HSP90AB1: variants seen among roughly 807,000 people sequenced by gnomAD.
HSP90AB1 encodes the protein heat shock protein HSP 90-beta.
HSP90AB1 carries 17 observed loss-of-function variants against 67.8 expected under a neutral mutation model. The observed-to-expected ratio is 0.25, with a 90% CI of 0.17 to 0.38. The LOEUF is 0.38. Ranked by LOEUF, HSP90AB1 falls within the 10% of genes least tolerant of loss-of-function variation. The probability of loss-of-function intolerance (pLI) is 1.00; values close to 1 mark genes in which losing one functional copy is unlikely to be tolerated. For missense variants in HSP90AB1, 690 were observed against 899.9 expected (o/e 0.77, Z 2.98); for synonymous variants, 390 against 312.9 (o/e 1.25, Z -2.60).
At chr6:44,251,333 G>A (rs1780617819) in intron 7 of HSP90AB1, 85 bp from the exon 8 acceptor site, 2 of 1,513,830 alleles carry the variant, frequency 1.3e-6, no homozygotes, top group Non-Finnish European at 9.1e-7. Context: ...GGTTCAGGAG[G>A]CTATTAGAGC....
intron 2 of HSP90AB1, 29 bp downstream of exon 2, chr6:44,248,805 TG>T (rs755379517): frequency 1.7e-5 from 26 of 1,524,570 alleles, no homozygotes; most frequent in East Asian, 2.3e-5. Flanking sequence ...ACATTTGGCA[TG>T]GTTTTTTTTT....
intron 2 of HSP90AB1, 69 bp downstream of exon 2, chr6:44,248,845 T>TAAA: frequency 6.9e-7 from 1 of 1,450,168 alleles, no homozygotes; most frequent in Non-Finnish European, 9.5e-7. Context: ...GGGAAAGGAG[T>TAAA]GGTTTGGCCT....
rs1412369959 is a variant in HSP90AB1, at chr6:44,247,168, T to C, written c.-28T>C. On this transcript the variant is annotated 5_prime_UTR_variant, in exon 1 of 12. Coordinates refer to ENST00000371646, the MANE Select transcript of HSP90AB1 (RefSeq NM_007355.4). The stretch of plus-strand genomic sequence containing the variant: ...CGGAAAGCAAGCCTACGTTGCTCAC[T>C]ATTACGTATAATCCTTTTCTTTTCA... 6.6e-6 allele frequency: 1 copy of C among 152,250 alleles called. No individual in the cohort carries two copies. Among genetic ancestry groups the C allele is most frequent in the Non-Finnish European group, 1.5e-5 (1 of 68,054 alleles). 9.4% of individuals were successfully genotyped at this position (152,250 alleles called of 1,614,324 possible).
chr6:44,249,318 C>T, intron 2 of HSP90AB1, 59 bp from the exon 3 acceptor site: 1 of 1,408,352 alleles, frequency 7.1e-7, no homozygotes. Flanking sequence ...GTAGCTTGGG[C>T]AACAGAGCAA....
rs1780594119 is a variant in HSP90AB1, at chr6:44,251,158, T to C, written c.1068T>C (p.Tyr356=). 2.5e-6 allele frequency: 4 copies of C among 1,614,242 alleles called. No individual in the cohort carries two copies. The highest frequency in any genetic ancestry group is 1.1e-5 in the South Asian group (1 of 91,090). Residue 356 remains tyrosine (Y), a synonymous_variant, in exon 7 of 12, where the codon TAT becomes TAC. Coordinates refer to ENST00000371646, the MANE Select transcript of HSP90AB1 (RefSeq NM_007355.4). ...AGAAAAAGAACAACATCAAACTCTA[T>C]GTCCGCCGTGTGTTCATCATGGACA... ...NKKKKNNIKL[Y]VRRVFIMDSC...
rs895070869 is a variant in HSP90AB1 at position 44,252,230 on chromosome 6, A to G, written c.1694A>G (p.Lys565Arg). 2 of 1,614,138 alleles carry G rather than the reference A, an allele frequency of 1.2e-6. No homozygotes were observed. The highest frequency in any genetic ancestry group is 1.7e-6 in the Non-Finnish European group (2 of 1,180,034). Residue 565 changes from lysine (K) to arginine (R), a missense_variant, in exon 10 of 12, where the codon AAG (lysine) becomes AGG (arginine). Lys to Arg is a conservative substitution (Grantham distance 26). Around this residue, in one of 7 missense-constraint regions of HSP90AB1, gnomAD observed 206 missense variants for 221.4 expected, o/e 0.93. Coordinates refer to ENST00000371646, the MANE Select transcript of HSP90AB1 (RefSeq NM_007355.4). ...AAGGCAAAGTTTGAGAACCTCTGCA[A>G]GCTCATGAAAGAAATCTTAGATAAG... Reference protein sequence around the residue: ...ESKAKFENLCKLMKEILDKKV... With the variant: ...ESKAKFENLCRLMKEILDKKV...
At chr6:44,247,933 C>T (rs1780144243) in intron 1 of HSP90AB1, 2 of 152,266 alleles carry the variant, frequency 1.3e-5, no homozygotes. Flanking sequence ...CTGGCCGACG[C>T]ATGTCCGGCA....
At position 44,249,397 on chromosome 6, in the gene HSP90AB1, T is replaced by C. The variant is rs149441958; in HGVS notation, c.168T>C (p.Tyr56=). ...TCCAGGCCTTGGACAAGATTCGCTATGAGAGCCTGACAGACCCTTCGAAGT... is the reference window on the plus strand; with the variant it reads ...TCCAGGCCTTGGACAAGATTCGCTACGAGAGCCTGACAGACCCTTCGAAGT... ...NASDALDKIR[Y]ESLTDPSKLD... Residue 56 remains tyrosine, a synonymous_variant, in exon 3 of 12, where the codon TAT becomes TAC. Coordinates refer to ENST00000371646, the MANE Select transcript of HSP90AB1 (RefSeq NM_007355.4). The C allele has an allele frequency of 1.1e-5, 18 of 1,613,806 alleles. No individual in the cohort carries two copies. In the African/African-American group the frequency reaches 2.4e-4, roughly 22 times the overall value.
rs1422289383 is a variant in HSP90AB1, at chr6:44,253,784, G to C, written c.*186G>C. On this transcript the variant is annotated 3_prime_UTR_variant, in exon 12 of 12. Transcript: ENST00000371646. ...CAAGCCCCATTCCCTCTCTACTCTTGACAGCAGGATTGGATGTTGTGTATT... is the reference window on the plus strand; with the variant it reads ...CAAGCCCCATTCCCTCTCTACTCTTCACAGCAGGATTGGATGTTGTGTATT... 2 of 776,614 alleles carry C rather than the reference G, an allele frequency of 2.6e-6. No homozygotes were observed. The highest frequency in any genetic ancestry group is 1.7e-5 in the Admixed American group (1 of 58,910). The allele number at this position is 776,614 out of a possible 1,614,324, so 48.1% of individuals were successfully genotyped here. A position where few individuals can be genotyped will look rare whatever the true frequency, so the allele number is the denominator to read the frequency against.
upstream of HSP90AB1, among the ~76,000 whole-genome samples, chr6:44,246,538 C>G (rs1329617914): frequency 6.6e-6 from 1 of 152,342 alleles, no homozygotes; most frequent in Non-Finnish European, 1.5e-5. Flanking sequence ...GGCGCCCTCC[C>G]CCTACGCTGA....
chr6:44,248,330 G>A (rs2153317562), intron 1 of HSP90AB1, among the ~76,000 whole-genome samples: 1 of 152,330 alleles, frequency 6.6e-6, no homozygotes, highest in East Asian at 1.9e-4. Context: ...TGATTTTTCT[G>A]CCATACTACC....
In HSP90AB1 at chr6:44,250,303, C is replaced by G. The variant is rs1195123707; in HGVS notation, c.661C>G (p.Arg221Gly). The G allele has an allele frequency of 6.2e-7, 1 of 1,612,622 alleles. No homozygotes were observed. Among genetic ancestry groups the G allele is most frequent in the Non-Finnish European group, 8.5e-7 (1 of 1,179,554 alleles). Residue 221 changes from arginine to glycine, a missense_variant, in exon 6 of 12, where the codon CGA becomes GGA. By Grantham distance (125) the Arg-to-Gly change is moderately radical (BLOSUM62 -2). Around this residue, in one of 7 missense-constraint regions of HSP90AB1, gnomAD observed 146 missense variants for 143.7 expected, o/e 1.02. Transcript: ENST00000371646. ...TTTTGTTACTTAGTTGGAGAAGGAA[C>G]GAGAGAAGGAAATTAGTGATGATGA... ...YPITLYLEKE[R>G]EKEISDDEAE...
At chr6:44,249,211 G>T (rs1780353779) in intron 2 of HSP90AB1, among the ~76,000 whole-genome samples, 166 bp from the exon 3 acceptor site, 1 of 152,204 alleles carries the variant, frequency 6.6e-6, no homozygotes, top group Non-Finnish European at 1.5e-5. Flanking sequence ...GGTGGCATGT[G>T]CCTGTAGTCC....
rs1030145398 is a variant in HSP90AB1 at position 44,253,473 on chromosome 6, C to T, written c.2066-16C>T. The T allele has an allele frequency of 3.7e-6, 6 of 1,611,110 alleles. No individual in the cohort carries two copies. In the Admixed American group the frequency reaches 5.0e-5, roughly 13 times the overall value. On this transcript the variant is annotated splice_polypyrimidine_tract_variant and intron_variant, in intron 11 of 11. Transcript: ENST00000371646. ...TGCTATTTGGTCAAGTCTCACATGG[C>T]TTAATTTTACTTCAGGTATTGATGA...
At chr6:44,246,672 T>C (rs1779939281), upstream of HSP90AB1, among the ~76,000 whole-genome samples, 2 of 152,154 alleles carry the variant, frequency 1.3e-5, no homozygotes, top group African/African-American at 2.4e-5. Flanking sequence ...GTAGGGCAGA[T>C]GCTAGGAAGA....
In HSP90AB1 at chr6:44,253,541, T is replaced by A; in HGVS notation, c.2118T>A (p.Asp706Glu). The A allele has an allele frequency of 6.2e-7, 1 of 1,614,164 alleles. No homozygotes were observed. The highest frequency in any genetic ancestry group is 8.5e-7 in the Non-Finnish European group (1 of 1,179,992). The change falls in exon 12 of 12, where the codon GAT becomes GAA. Residue 706 changes from aspartate (D) to glutamate (E), a missense_variant. Around this residue, in one of 7 missense-constraint regions of HSP90AB1, gnomAD observed 120 missense variants for 153.5 expected, o/e 0.78. Transcript: ENST00000371646. ...AGGAACCCAATGCTGCAGTTCCTGA[T>A]GAGATCCCCCCTCTCGAGGGCGATG... ...AAEEPNAAVPDEIPPLEGDED... is the reference protein window; with the variant it reads ...AAEEPNAAVPEEIPPLEGDED...
Position 44,249,740 on chromosome 6 carries a change from A to G in HSP90AB1, c.420A>G (p.Ala140=), listed in dbSNP as rs1407088456. The G allele has an allele frequency of 6.2e-7, 1 of 1,614,096 alleles. No individual in the cohort carries two copies. The highest frequency in any genetic ancestry group is 2.2e-5 in the East Asian group (1 of 44,874). Residue 140 remains alanine (A), a synonymous_variant, in exon 4 of 12, where the codon GCA becomes GCG. Coordinates refer to ENST00000371646, the MANE Select transcript of HSP90AB1 (RefSeq NM_007355.4). ...GVGFYSAYLV[A]EKVVVITKHN... ...GCTTTTATTCTGCCTACTTGGTGGC[A>G]GAGAAAGTGGTTGTGATCACAAAGC...
chr6:44,250,680 C>T, intron 6 of HSP90AB1, 81 bp downstream of exon 6: 1 of 786,900 alleles, frequency 1.3e-6, no homozygotes. Context: ...GGGTAATAGA[C>T]ACACGGAACT....
chr6:44,251,928 A>T, intron 9 of HSP90AB1, 44 bp downstream of exon 9: 1 of 1,613,226 alleles, frequency 6.2e-7, no homozygotes, highest in Non-Finnish European at 8.5e-7. Flanking sequence ...AGTGGGGAGC[A>T]CAATTAGGGC....
Sources: allele counts gnomAD v4.1 joint callset (sites outside exome capture counted in the v4.1 genomes callset), GRCh38; gene constraint gnomAD v4.1.1; regional missense constraint gnomAD v4.1.1; transcripts MANE v1.5; gene names NCBI Gene and HGNC (gene_info 2026-07-23, HGNC 2026-07-21).